ANK2: variants seen among roughly 807,000 people sequenced by gnomAD.
The protein encoded by ANK2 is ankyrin 2.
ANK2 carries 83 observed loss-of-function variants against 360.5 expected under a neutral mutation model. The observed-to-expected ratio is 0.23, with a 90% CI of 0.19 to 0.28. The LOEUF (loss-of-function observed/expected upper bound fraction) is 0.28. Among genes scored for constraint, ANK2 ranks in the 10% least tolerant of loss-of-function variants. The pLI is 1.00. For missense variants in ANK2, 4,201 were observed against 4,795.7 expected (o/e 0.88, Z 3.66); for synonymous variants, 1,740 against 1,759.5 (o/e 0.99, Z 0.28).
chr4:112,865,142 T>A (rs2069996528), intron 1 of ANK2, among the ~76,000 whole-genome samples: 1 of 144,938 alleles, frequency 6.9e-6, no homozygotes, highest in South Asian at 2.5e-4. Context: ...TGTACTCTCA[T>A]CTACCCAATG....
intron 2 of ANK2, among the ~76,000 whole-genome samples, chr4:112,933,392 A>G (rs191678969): frequency 6.6e-6 from 1 of 152,198 alleles, no homozygotes; most frequent in Non-Finnish European, 1.5e-5. Context: ...TTTCTGATGC[A>G]CACTCTGTAG....
Position 113,363,356 on chromosome 4 carries a change from A to G in ANK2, c.10775A>G (p.Asp3592Gly). ...CTTCTAGAATTAGCAAGAGAACTGGATTTCACTGAGGAGCAAATTCATCAA... is the reference window on the plus strand; with the variant it reads ...CTTCTAGAATTAGCAAGAGAACTGGGTTTCACTGAGGAGCAAATTCATCAA... ...FSWTELARELDFTEEQIHQIR... is the reference protein window; with the variant it reads ...FSWTELARELGFTEEQIHQIR... Residue 3592 changes from aspartate (D) to glycine (G), a missense_variant, in exon 40 of 46, where the codon GAT (aspartate) becomes GGT (glycine). Physicochemically the swap from Asp to Gly is moderately conservative, Grantham distance 94 (BLOSUM62 -1). Around this residue, in one of 4 missense-constraint regions of ANK2, gnomAD observed 2,642 missense variants for 2,714.5 expected, o/e 0.97. Coordinates refer to ENST00000357077, the MANE Select transcript of ANK2 (RefSeq NM_001148.6). The G allele has an allele frequency of 6.2e-7, 1 of 1,613,332 alleles. No homozygotes were observed.
intron 2 of ANK2, among the ~76,000 whole-genome samples, chr4:112,932,421 G>A (rs1273864278): frequency 6.6e-6 from 1 of 151,630 alleles, no homozygotes; most frequent in Non-Finnish European, 1.5e-5. Flanking sequence ...GAACCCGGGA[G>A]GTGGAGCTTG....
chr4:112,818,660 C>T (rs1469206202), intron 1 of ANK2, among the ~76,000 whole-genome samples: 1 of 152,166 alleles, frequency 6.6e-6, no homozygotes, highest in Non-Finnish European at 1.5e-5. Flanking sequence ...TGTTAAGACA[C>T]TGGCTGTGTC....
At chr4:113,286,053 A>G (rs2064411408) in intron 18 of ANK2, among the ~76,000 whole-genome samples, 1 of 152,224 alleles carries the variant, frequency 6.6e-6, no homozygotes. Context: ...ATTGCAGAAA[A>G]TCCATTCTGC....
At chr4:113,149,491 A>G (rs2154394455) in intron 1 of ANK2, among the ~76,000 whole-genome samples, 1 of 152,322 alleles carries the variant, frequency 6.6e-6, no homozygotes, top group Non-Finnish European at 1.5e-5. Context: ...CCCTAACAAG[A>G]GCCAAAAGTG....
chr4:112,757,056 C>T, the ANK2 span, among the ~76,000 whole-genome samples: 4 of 151,848 alleles, frequency 2.6e-5, no homozygotes, highest in South Asian at 8.3e-4. Flanking sequence ...TCTTACATCA[C>T]CCTGTAATTC....
intron 1 of ANK2, among the ~76,000 whole-genome samples, chr4:113,172,607 C>CTATA (rs1397146690): frequency 6.6e-6 from 1 of 152,092 alleles, no homozygotes; most frequent in African/African-American, 2.4e-5. Flanking sequence ...TAAATGTTAC[C>CTATA]TATAAGCATC....
chr4:112,884,063 T>C (rs1190979541), intron 1 of ANK2, among the ~76,000 whole-genome samples: 1 of 152,024 alleles, frequency 6.6e-6, no homozygotes, highest in Non-Finnish European at 1.5e-5. Flanking sequence ...ACTATGAAAA[T>C]ATGACTTAGA....
At chr4:113,324,269 A>G (rs2088387298) in intron 26 of ANK2, among the ~76,000 whole-genome samples, 1 of 152,212 alleles carries the variant, frequency 6.6e-6, no homozygotes, top group Admixed American at 6.5e-5. Flanking sequence ...GTGTATTAGT[A>G]GTGCATTTCC....
At chr4:113,295,937 T>C (rs1233538560) in intron 22 of ANK2, among the ~76,000 whole-genome samples, 3 of 152,148 alleles carry the variant, frequency 2.0e-5, no homozygotes, top group Non-Finnish European at 4.4e-5. Flanking sequence ...CTGGGAGTCT[T>C]CTTACAATAA....
intron 1 of ANK2, among the ~76,000 whole-genome samples, chr4:112,848,692 C>T (rs1264866847): frequency 6.6e-6 from 1 of 152,112 alleles, no homozygotes; most frequent in East Asian, 1.9e-4. Context: ...GTCTCACCTG[C>T]TGGACTTTGA....
Position 113,355,695 on chromosome 4 carries a change from A to G in ANK2, c.7077A>G (p.Ser2359=). ...AAGGTCAACGTACCTTTGGTAGTTCAGCCCACAAGACACAAACTGATAGTG... is the reference window on the plus strand; with the variant it reads ...AAGGTCAACGTACCTTTGGTAGTTCGGCCCACAAGACACAAACTGATAGTG... ...CDEGQRTFGS[S]AHKTQTDSEV... The change falls in exon 38 of 46, where the codon TCA becomes TCG. Residue 2359 remains serine (S), a synonymous_variant. Coordinates refer to ENST00000357077, the MANE Select transcript of ANK2 (RefSeq NM_001148.6). 1.9e-6 allele frequency: 3 copies of G among 1,614,174 alleles called. No homozygotes were observed. The highest frequency in any genetic ancestry group is 2.5e-6 in the Non-Finnish European group (3 of 1,179,986).
In ANK2 at chr4:113,381,439, T is replaced by C. The variant is rs138978479; in HGVS notation, c.11860-18T>C. On this transcript the variant is annotated intron_variant, in intron 45 of 45. Transcript: ENST00000357077. ...GCAGTGAAAAGAGCGTAATTCTCTC[T>C]TGTCTGCTTTTCTCCAGGACAACAA... 6.2e-7 allele frequency: 1 copy of C among 1,614,092 alleles called. No homozygotes were observed. Among genetic ancestry groups the C allele is most frequent in the South Asian group, 1.1e-5 (1 of 91,072 alleles).
At chr4:112,762,389 A>G in the ANK2 span, among the ~76,000 whole-genome samples, 3 of 152,362 alleles carry the variant, frequency 2.0e-5, no homozygotes, top group East Asian at 5.8e-4. Context: ...AAAGCTTTAT[A>G]ATATGATCCT....
chr4:113,375,720 G>A (rs367549949), intron 45 of ANK2, among the ~76,000 whole-genome samples: 253 of 138,726 alleles, frequency 1.8e-3, no homozygotes, highest in African/African-American at 4.2e-3. Context: ...GCGAGAATTC[G>A]TCTCAAAAAA....
chr4:113,317,798 C>T lies in ANK2; in HGVS notation c.2785C>T (p.Pro929Ser), dbSNP rs771843739. ...CGTGATGGATGACTCAGTTGTGATT[C>T]CCAGTCACCAGGTATGTGACATTTT... is the stretch of plus-strand genomic sequence containing the variant. ...SAVMDDSVVI[P>S]SHQVSTLAKE... Residue 929 changes from proline (P) to serine (S), a missense_variant, in exon 25 of 46, where the codon CCC (proline) becomes TCC (serine). Pro to Ser is a moderately conservative substitution (Grantham distance 74). This residue lies in a region of ANK2 where 1,268 missense variants were observed against 1,650.8 expected (regional missense o/e 0.77). Coordinates refer to ENST00000357077, the MANE Select transcript of ANK2 (RefSeq NM_001148.6). 6.2e-7 allele frequency: 1 copy of T among 1,613,284 alleles called. No individual in the cohort carries two copies. Among genetic ancestry groups the T allele is most frequent in the Non-Finnish European group, 8.5e-7 (1 of 1,179,306 alleles).
At chr4:112,964,195 G>C (rs978930246) in intron 2 of ANK2, among the ~76,000 whole-genome samples, 2 of 149,196 alleles carry the variant, frequency 1.3e-5, no homozygotes, top group African/African-American at 5.0e-5. Context: ...TGAAAAGTGA[G>C]GCATCTATCC....
chr4:112,833,237 G>A (rs2060194858), intron 1 of ANK2, among the ~76,000 whole-genome samples: 1 of 152,224 alleles, frequency 6.6e-6, no homozygotes, highest in African/African-American at 2.4e-5. Flanking sequence ...TAGTGGGTAA[G>A]GGGAGGAAAT....
Sources: allele counts gnomAD v4.1 joint callset (sites outside exome capture counted in the v4.1 genomes callset), GRCh38; gene constraint gnomAD v4.1.1; regional missense constraint gnomAD v4.1.1; transcripts MANE v1.5; gene names NCBI Gene and HGNC (gene_info 2026-07-23, HGNC 2026-07-21).